Variants in GABBR2 observed in about 807,000 individuals in gnomAD.
The protein encoded by GABBR2 is G-protein coupled receptor 51.
GABBR2 carries 23 observed loss-of-function variants against 105.6 expected under a neutral mutation model. The ratio of observed to expected loss-of-function variants is 0.22; its 90% CI spans 0.16 to 0.31. The LOEUF (loss-of-function observed/expected upper bound fraction) is 0.31. Among genes scored for constraint, GABBR2 ranks in the 10% least tolerant of loss-of-function variants. The pLI is 1.00. For missense variants in GABBR2, 734 were observed against 1,245.5 expected, an observed-to-expected ratio of 0.59 and a Z score of 6.18; for synonymous variants, 478 against 499.7, an observed-to-expected ratio of 0.96 and a Z score of 0.58.
intron 13 of GABBR2, among the ~76,000 whole-genome samples, chr9:98,342,993 A>G (rs987135387): frequency 3.3e-5 from 5 of 152,210 alleles, no homozygotes; most frequent in African/African-American, 4.8e-5. Context: ...AAGAGTTGAA[A>G]TTATTTAAAA....
intron 3 of GABBR2, among the ~76,000 whole-genome samples, chr9:98,519,251 G>A (rs1389173540): frequency 1.3e-5 from 2 of 152,216 alleles, no homozygotes; most frequent in Admixed American, 1.3e-4. Context: ...TGAGACCACA[G>A]GACACCCTAT....
chr9:98,614,633 AAT>A (rs1406509207), intron 1 of GABBR2, among the ~76,000 whole-genome samples: 1 of 152,232 alleles, frequency 6.6e-6, no homozygotes, highest in Non-Finnish European at 1.5e-5. Context: ...AAAGCTTAAA[AAT>A]ACTATAGATT....
intron 1 of GABBR2, among the ~76,000 whole-genome samples, chr9:98,681,194 A>T (rs528093731): frequency 8.1e-5 from 12 of 147,272 alleles, no homozygotes; most frequent in African/African-American, 3.0e-4. Context: ...AACCAACCCA[A>T]ATGTCCAACA....
intron 9 of GABBR2, among the ~76,000 whole-genome samples, chr9:98,392,368 G>A (rs533302704): frequency 1.1e-4 from 16 of 152,210 alleles, no homozygotes; most frequent in Non-Finnish European, 2.2e-4. Flanking sequence ...TCCCCAGTCC[G>A]ATAGCAGACA....
intron 1 of GABBR2, among the ~76,000 whole-genome samples, chr9:98,691,101 C>A (rs1020232517): frequency 6.6e-6 from 1 of 152,228 alleles, no homozygotes; most frequent in African/African-American, 2.4e-5. Context: ...GGGCCCTCTT[C>A]AAGACCCTGA....
intron 1 of GABBR2, among the ~76,000 whole-genome samples, chr9:98,605,371 A>G (rs1008433307): frequency 6.6e-6 from 1 of 152,196 alleles, no homozygotes; most frequent in Non-Finnish European, 1.5e-5. Flanking sequence ...CCAGGACGGT[A>G]CTGCAGATCT....
chr9:98,444,879 G>GCACACACA (rs34280193), intron 7 of GABBR2, among the ~76,000 whole-genome samples: 4 of 150,930 alleles, frequency 2.7e-5, no homozygotes, highest in Non-Finnish European at 4.4e-5. Context: ...GCGCGCGCGC[G>GCACACACA]CACACACACA....
chr9:98,593,723 C>A (rs11787957), intron 1 of GABBR2, among the ~76,000 whole-genome samples: 37,717 of 152,082 alleles, frequency 0.25, 5,067 homozygotes, highest in Non-Finnish European at 0.3. Flanking sequence ...CCCGACAGCT[C>A]CCCCATGTGC....
intron 1 of GABBR2, among the ~76,000 whole-genome samples, chr9:98,661,412 C>A (rs565219653): frequency 6.6e-6 from 1 of 150,568 alleles, no homozygotes. Context: ...TTTTCCCCCA[C>A]CCCCCCGATA....
intron 1 of GABBR2, among the ~76,000 whole-genome samples, chr9:98,633,304 T>C (rs942007867): frequency 6.6e-6 from 1 of 152,102 alleles, no homozygotes; most frequent in Non-Finnish European, 1.5e-5. Flanking sequence ...AAACTCTTAA[T>C]GTCTTCTCCA....
At chr9:98,465,209 G>C (rs1826524478) in intron 6 of GABBR2, among the ~76,000 whole-genome samples, 1 of 135,028 alleles carries the variant, frequency 7.4e-6, no homozygotes, top group African/African-American at 2.7e-5. Flanking sequence ...GAAAAAAAAA[G>C]TTTAGAAACA....
intron 7 of GABBR2, among the ~76,000 whole-genome samples, chr9:98,436,264 T>C (rs1825900634): frequency 7.9e-6 from 1 of 127,180 alleles, no homozygotes; most frequent in Non-Finnish European, 1.6e-5. Flanking sequence ...TCTTCTGTTA[T>C]TTAAACAACA....
rs542360124 is a variant in GABBR2, at chr9:98,605,970, T to C, written c.322-27898A>G. ...CCCCGGTGTGTGATGTTCCCCTTCC[T>C]GTGTCCAAGCATTCTCATTGTTCAA... On this transcript the variant is annotated intron_variant, in intron 1 of 18. Transcript: ENST00000259455. Among the ~76,000 whole-genome samples the C allele has an allele frequency of 2.8e-3, 426 of 151,998 alleles. 5 individuals carry two copies. Among genetic ancestry groups the C allele is most frequent in the African/African-American group, 9.3e-3 (387 of 41,464 alleles).
At chr9:98,650,817 A>G (rs1465381110) in intron 1 of GABBR2, among the ~76,000 whole-genome samples, 2 of 152,220 alleles carry the variant, frequency 1.3e-5, no homozygotes, top group Non-Finnish European at 2.9e-5. Flanking sequence ...ACTGTGTTTA[A>G]AAAGCCAGTC....
At chr9:98,311,699 C>T (rs545476548) in intron 13 of GABBR2, among the ~76,000 whole-genome samples, 1 of 152,354 alleles carries the variant, frequency 6.6e-6, no homozygotes, top group African/African-American at 2.4e-5. Flanking sequence ...CACAGCCCCA[C>T]TGCTGGAGCA....
chr9:98,458,037 T>G (rs1826357207), intron 6 of GABBR2, among the ~76,000 whole-genome samples: 2 of 152,242 alleles, frequency 1.3e-5, no homozygotes, highest in South Asian at 4.1e-4. Flanking sequence ...TAAAGGCATT[T>G]GTTGGAACTT....
chr9:98,410,033 C>T (rs958316595), intron 7 of GABBR2, among the ~76,000 whole-genome samples: 1 of 152,132 alleles, frequency 6.6e-6, no homozygotes, highest in Non-Finnish European at 1.5e-5. Context: ...AATGCTGCCA[C>T]TAGATGCTTT....
At chr9:98,644,027 A>C (rs966350525) in intron 1 of GABBR2, among the ~76,000 whole-genome samples, 1 of 152,186 alleles carries the variant, frequency 6.6e-6, no homozygotes, top group Non-Finnish European at 1.5e-5. Context: ...GCTAGAACTG[A>C]GTTTCTGTCA....
chr9:98,488,955 A>G (rs1202785839), intron 4 of GABBR2, among the ~76,000 whole-genome samples: 1 of 152,194 alleles, frequency 6.6e-6, no homozygotes, highest in African/African-American at 2.4e-5. Flanking sequence ...AATGGGGATA[A>G]TAATAGTACC....
Sources: gnomAD v4.1 joint callset for allele counts (sites outside exome capture counted in the v4.1 genomes callset) on GRCh38, gnomAD v4.1.1 for gene constraint, MANE v1.5 for transcripts, NCBI Gene and HGNC (gene_info 2026-07-23, HGNC 2026-07-21) for gene names.